The following XPO7 variants were observed in gnomAD, a reference collection of about 807,000 sequenced individuals.
XPO7 encodes exportin-7.
A neutral mutation model predicts 144.3 loss-of-function variants in XPO7; 21 were observed. The ratio of observed to expected loss-of-function variants is 0.15; its 90% CI spans 0.10 to 0.21. The LOEUF (loss-of-function observed/expected upper bound fraction) is 0.21. Among genes scored for constraint, XPO7 ranks in the 10% least tolerant of loss-of-function variants. The probability of loss-of-function intolerance (pLI) is 1.00; values close to 1 mark genes in which losing one functional copy is unlikely to be tolerated. For synonymous variants in XPO7, 580 were observed against 499.6 expected, an observed-to-expected ratio of 1.16 and a Z score of -2.15; for missense variants, 808 against 1,325.8, an observed-to-expected ratio of 0.61 and a Z score of 6.06.
chr8:21,931,337 C>G (rs1434720426), intron 1 of XPO7, among the ~76,000 whole-genome samples: 1 of 151,912 alleles, frequency 6.6e-6, no homozygotes, highest in Non-Finnish European at 1.5e-5. Flanking sequence ...TAATTTTTGT[C>G]TTTTTAGTGG....
chr8:21,998,132 C>T (rs1435908079), intron 21 of XPO7, among the ~76,000 whole-genome samples: 8 of 152,152 alleles, frequency 5.3e-5, no homozygotes, highest in East Asian at 1.9e-4. Context: ...TATCAAGAGG[C>T]GACGGGTAGA....
At chr8:21,940,953 A>G (rs1810971224) in intron 1 of XPO7, among the ~76,000 whole-genome samples, 1 of 152,208 alleles carries the variant, frequency 6.6e-6, no homozygotes, top group Admixed American at 6.5e-5. Flanking sequence ...AGCACAACCT[A>G]AACCTAGGGA....
At chr8:22,000,086 C>T (rs943593424) in intron 24 of XPO7, among the ~76,000 whole-genome samples, 3 of 152,158 alleles carry the variant, frequency 2.0e-5, no homozygotes, top group African/African-American at 7.2e-5. Context: ...GGAAGACTGG[C>T]TGGAAGACTT....
chr8:21,996,935 C>T (rs2117395931), intron 21 of XPO7, among the ~76,000 whole-genome samples: 1 of 152,154 alleles, frequency 6.6e-6, no homozygotes, highest in Middle Eastern at 3.4e-3. Context: ...CAGCCTCCCA[C>T]ATAGCTGGGA....
chr8:21,998,970 C>A, intron 22 of XPO7, 121 bp from the exon 23 acceptor site: 1 of 1,421,364 alleles, frequency 7.0e-7, no homozygotes, highest in Non-Finnish European at 9.8e-7. Flanking sequence ...AATACATGTG[C>A]ATTAGAGTGC....
chr8:21,926,802 A>T (rs1305963423), intron 1 of XPO7, among the ~76,000 whole-genome samples: 1 of 152,180 alleles, frequency 6.6e-6, no homozygotes, highest in African/African-American at 2.4e-5. Context: ...TGCCCAATAT[A>T]TAGCCACAAA....
At chr8:21,973,812 A>G (rs990443152) in intron 5 of XPO7, among the ~76,000 whole-genome samples, 8 of 152,242 alleles carry the variant, frequency 5.3e-5, no homozygotes, top group African/African-American at 1.9e-4. Context: ...AAGAAGTAAA[A>G]GATTTAGTTC....
rs1811998784 is a variant in XPO7 at position 21,969,971 on chromosome 8, T to C, written c.260-173T>C. On this transcript the variant is annotated intron_variant, in intron 3 of 27. Coordinates refer to ENST00000252512, the MANE Select transcript of XPO7 (RefSeq NM_015024.5). ...AATTCTGAATTAGAACACCTACTAATCTTAAATTTAAAGTCCCATTTGGAA... is the reference window on the plus strand; with the variant it reads ...AATTCTGAATTAGAACACCTACTAACCTTAAATTTAAAGTCCCATTTGGAA... The C allele has an allele frequency of 3.0e-5, 22 of 729,096 alleles. No individual in the cohort carries two copies. The South Asian group carries it at 4.7e-4, about 15-fold the overall frequency. 45.2% of individuals were successfully genotyped at this position (729,096 alleles called of 1,614,324 possible). A position where few individuals can be genotyped will look rare whatever the true frequency, so the allele number is the denominator to read the frequency against.
chr8:21,962,080 A>C (rs1448864624), intron 1 of XPO7, among the ~76,000 whole-genome samples: 1 of 152,232 alleles, frequency 6.6e-6, no homozygotes, highest in Non-Finnish European at 1.5e-5. Context: ...TCTCTTGTAA[A>C]TTACGTAAAC....
chr8:21,931,249 G>A (rs867766095), intron 1 of XPO7, among the ~76,000 whole-genome samples: 20 of 151,372 alleles, frequency 1.3e-4, no homozygotes, highest in African/African-American at 3.9e-4. Context: ...TGCAACCTCC[G>A]CCTCCCAGGT....
chr8:21,989,821 C>CTTTTTTTTTTTTTTTT lies in XPO7; in HGVS notation c.1869-492_1869-477dup, dbSNP rs1170364778. The stretch of plus-strand genomic sequence containing the variant: ...AATAGGAGTTTGGTATAGGTGTTTC[C>CTTTTTTTTTTTTTTTT]TTTTTTTTTTTTTTTTTTTTTTTTT... On this transcript the variant is annotated intron_variant, in intron 16 of 27. Transcript: ENST00000252512. Among the ~76,000 whole-genome samples, 306 of 59,714 alleles carry CTTTTTTTTTTTTTTTT rather than the reference C, an allele frequency of 5.1e-3. 98 individuals carry two copies. Among genetic ancestry groups the CTTTTTTTTTTTTTTTT allele is most frequent in the Non-Finnish European group, 8.6e-3 (240 of 27,890 alleles). 39.2% of individuals were successfully genotyped at this position (59,714 alleles called of 152,430 possible). A position where few individuals can be genotyped will look rare whatever the true frequency, so the allele number is the denominator to read the frequency against.
chr8:21,974,077 G>A (rs1585456788), intron 5 of XPO7, among the ~76,000 whole-genome samples: 2 of 123,196 alleles, frequency 1.6e-5, no homozygotes, highest in African/African-American at 7.1e-5. Flanking sequence ...CTGTCTGTGG[G>A]TGTTTAAGAG....
chr8:21,953,870 G>C (rs1452699140), intron 1 of XPO7, among the ~76,000 whole-genome samples: 3 of 152,098 alleles, frequency 2.0e-5, no homozygotes, highest in Non-Finnish European at 4.4e-5. Context: ...TTATTGTTGA[G>C]TTTTAAGAGT....
At chr8:21,969,387 C>A in intron 2 of XPO7, 96 bp from the exon 3 acceptor site, 4 of 1,047,766 alleles carry the variant, frequency 3.8e-6, no homozygotes, top group Non-Finnish European at 5.6e-6. Flanking sequence ...AAACTGATTG[C>A]CTTTTCTTGA....
chr8:21,956,742 T>G (rs1344860639), intron 1 of XPO7, among the ~76,000 whole-genome samples: 1 of 152,118 alleles, frequency 6.6e-6, no homozygotes, highest in Non-Finnish European at 1.5e-5. Context: ...GTCTTTTTTT[T>G]TTTTCTTTTT....
intron 21 of XPO7, 34 bp from the exon 22 acceptor site, chr8:21,998,721 T>C: frequency 6.2e-7 from 1 of 1,600,750 alleles, no homozygotes; most frequent in Non-Finnish European, 8.6e-7. Flanking sequence ...AGAAAACACC[T>C]CTGACTTTTT....
Position 22,002,201 on chromosome 8 carries a change from A to T in XPO7, c.2872A>T (p.Thr958Ser). The T allele has an allele frequency of 6.2e-7, 1 of 1,613,504 alleles. No individual in the cohort carries two copies. The highest frequency in any genetic ancestry group is 8.5e-7 in the Non-Finnish European group (1 of 1,179,680). Residue 958 changes from threonine (T) to serine (S), a missense_variant, in exon 25 of 28, where the codon ACC (threonine) becomes TCC (serine). By Grantham distance (58) the Thr-to-Ser change is moderately conservative (BLOSUM62 1). Coordinates refer to ENST00000252512, the MANE Select transcript of XPO7 (RefSeq NM_015024.5). Reference protein sequence around the residue: ...KQLSRSTKKRTTPLNQESDRF... With the variant: ...KQLSRSTKKRSTPLNQESDRF... ...GCTGTCACGTAGCACCAAGAAGAGG[A>T]CCACACCCCTGAACCAGGAGAGCGA...
chr8:21,996,170 T>A (rs2117394150), intron 21 of XPO7, among the ~76,000 whole-genome samples: 1 of 152,314 alleles, frequency 6.6e-6, no homozygotes, highest in East Asian at 1.9e-4. Context: ...ATGCCTGTAA[T>A]CCTAGCTTCT....
intron 1 of XPO7, among the ~76,000 whole-genome samples, chr8:21,962,665 C>T (rs1415520503): frequency 6.6e-6 from 1 of 152,152 alleles, no homozygotes. Context: ...CTCTCATATT[C>T]TCACTTCCCA....
Sources: allele counts gnomAD v4.1 joint callset (sites outside exome capture counted in the v4.1 genomes callset), GRCh38; gene constraint gnomAD v4.1.1; transcripts MANE v1.5; gene names NCBI Gene and HGNC (gene_info 2026-07-23, HGNC 2026-07-21).